Variants in FLT1 observed in about 807,000 individuals in gnomAD.
The protein encoded by FLT1 is fms related receptor tyrosine kinase 1, also known as vascular endothelial growth factor receptor 1.
FLT1 carries 49 observed loss-of-function variants against 156.3 expected under a neutral mutation model. The ratio of observed to expected loss-of-function variants is 0.31; its 90% CI spans 0.25 to 0.40. The LOEUF is 0.40. Among genes scored for constraint, FLT1 ranks in the 10% least tolerant of loss-of-function variants. The pLI, the probability that FLT1 is intolerant of heterozygous loss-of-function variation, is 1.00. For missense variants in FLT1, 1,322 were observed against 1,637.2 expected, an observed-to-expected ratio of 0.81 and a Z score of 3.32; for synonymous variants, 594 against 583.8, an observed-to-expected ratio of 1.02 and a Z score of -0.25.
chr13:28,415,174 G>T (rs1222711993), intron 10 of FLT1, among the ~76,000 whole-genome samples: 1 of 152,134 alleles, frequency 6.6e-6, no homozygotes, highest in Non-Finnish European at 1.5e-5. Flanking sequence ...ACAAATATTG[G>T]CTTGTCAATA....
At chr13:28,371,056 A>G (rs989091374) in intron 14 of FLT1, among the ~76,000 whole-genome samples, 6 of 152,242 alleles carry the variant, frequency 3.9e-5, no homozygotes, top group Non-Finnish European at 1.5e-5. Context: ...AGAGTGGGGT[A>G]GAACAATACG....
chr13:28,311,534 C>CTTTT, intron 27 of FLT1, 56 bp downstream of exon 27: 1 of 1,386,976 alleles, frequency 7.2e-7, no homozygotes, highest in Non-Finnish European at 1.0e-6. Context: ...GTCTTTCTTT[C>CTTTT]CTTCTTTTTT....
Position 28,337,722 on chromosome 13 carries a change from G to A in FLT1, c.2488+1446C>T, listed in dbSNP as rs1459723537. Reference sequence around the variant, plus strand: ...TTATTTAAACCCACAGAGCCCCAGGGGAATTCTGGTAGAAGGATTAGCAAT... The same window carrying A: ...TTATTTAAACCCACAGAGCCCCAGGAGAATTCTGGTAGAAGGATTAGCAAT... On this transcript the variant is annotated intron_variant, in intron 17 of 29. Coordinates refer to ENST00000282397, the MANE Select transcript of FLT1 (RefSeq NM_002019.4). Among the ~76,000 whole-genome samples the A allele has an allele frequency of 6.6e-5, 10 of 152,204 alleles. No homozygotes were observed. In the East Asian group the frequency reaches 1.9e-3, roughly 29 times the overall value.
rs561424573 is a variant in FLT1, at chr13:28,387,985, C to T, written c.1969+1811G>A. ...GAAGGAAATGGTAGGTTCTGCATGTCCAATTCACCATTTTGTTTTCATAAG... is the reference window on the plus strand; with the variant it reads ...GAAGGAAATGGTAGGTTCTGCATGTTCAATTCACCATTTTGTTTTCATAAG... On this transcript the variant is annotated intron_variant, in intron 13 of 29. Coordinates refer to ENST00000282397, the MANE Select transcript of FLT1 (RefSeq NM_002019.4). The T allele has an allele frequency of 1.5e-4, 158 of 1,060,356 alleles. 2 individuals are homozygous for T. In the South Asian group the frequency reaches 6.3e-3, roughly 42 times the overall value. 65.7% of individuals were successfully genotyped at this position (1,060,356 alleles called of 1,614,324 possible).
intron 10 of FLT1, among the ~76,000 whole-genome samples, chr13:28,412,364 C>CT (rs1315276522): frequency 2.5e-5 from 2 of 80,736 alleles, no homozygotes; most frequent in Non-Finnish European, 2.9e-5. Context: ...TTCTTTCTTT[C>CT]TTTCTTTCTT....
chr13:28,488,468 A>AT (rs544230593), intron 1 of FLT1, among the ~76,000 whole-genome samples: 2 of 110,418 alleles, frequency 1.8e-5, no homozygotes, highest in African/African-American at 6.8e-5. Flanking sequence ...ATGCTTCTCG[A>AT]TTTTTAATGA....
chr13:28,372,602 A>ATATATATATATATATATAT (rs1281561806), intron 14 of FLT1, among the ~76,000 whole-genome samples: 2 of 120,558 alleles, frequency 1.7e-5, no homozygotes, highest in Non-Finnish European at 3.5e-5. Flanking sequence ...ATATATATAT[A>ATATATATATATATATATAT]GCTGGGTGCA....
intron 1 of FLT1, among the ~76,000 whole-genome samples, chr13:28,486,990 A>G (rs1455306622): frequency 1.3e-5 from 2 of 152,206 alleles, no homozygotes; most frequent in Non-Finnish European, 2.9e-5. Flanking sequence ...GCCCTATCCC[A>G]GGCCTACTGA....
chr13:28,403,163 T>C (rs1451886333), intron 11 of FLT1, among the ~76,000 whole-genome samples: 1 of 152,146 alleles, frequency 6.6e-6, no homozygotes, highest in Non-Finnish European at 1.5e-5. Flanking sequence ...TTAGTTCTGT[T>C]TTTTTTGGAG....
At position 28,301,281 on chromosome 13, in the gene FLT1, A is replaced by ATG. The variant is rs35779457; in HGVS notation, c.*1884_*1885dup. The ATG allele has an allele frequency of 0.17, 40,576 of 232,536 alleles. 5,201 individuals are homozygous for ATG. Among genetic ancestry groups the ATG allele is most frequent in the African/African-American group, 0.38 (17,281 of 45,172 alleles). 14.4% of individuals were successfully genotyped at this position (232,536 alleles called of 1,614,324 possible). A position where few individuals can be genotyped will look rare whatever the true frequency, so the allele number is the denominator to read the frequency against. ...GCCAGCTGTCACAGGTGGTTTGCGT[A>ATG]TGTAAAGAAGAGGAAGAACAAAGAT... On this transcript the variant is annotated 3_prime_UTR_variant, in exon 30 of 30. Transcript: ENST00000282397.
At chr13:28,344,150 A>G (rs1872467633) in intron 16 of FLT1, among the ~76,000 whole-genome samples, 2 of 152,014 alleles carry the variant, frequency 1.3e-5, no homozygotes, top group Admixed American at 1.3e-4. Context: ...CATTGCTTTT[A>G]GAATACGGAC....
rs1388282288 is a variant in FLT1, at chr13:28,438,341, T to C, written c.393A>G (p.Thr131=). 3.7e-6 allele frequency: 6 copies of C among 1,608,112 alleles called. No homozygotes were observed. Among genetic ancestry groups the C allele is most frequent in the Non-Finnish European group, 5.1e-6 (6 of 1,174,658 alleles). ...TGTACATCTCTACGAAAGGTCTACC[T>C]GTATCTGAATGAGAAGAAAATGAAA... ...ESAIYIFISD[T]GRPFVEMYSE... Residue 131 remains threonine, a synonymous_variant, in exon 4 of 30, where the codon ACA becomes ACG. Coordinates refer to ENST00000282397, the MANE Select transcript of FLT1 (RefSeq NM_002019.4).
chr13:28,462,452 G>A (rs1370139033), intron 3 of FLT1, among the ~76,000 whole-genome samples: 5 of 152,140 alleles, frequency 3.3e-5, no homozygotes, highest in Non-Finnish European at 7.4e-5. Context: ...TAGAAGAATT[G>A]TACTCTATTG....
At position 28,433,885 on chromosome 13, in the gene FLT1, G is replaced by A. The variant is rs1215921850; in HGVS notation, c.747C>T (p.Val249=). The A allele has an allele frequency of 6.2e-7, 1 of 1,613,836 alleles. No homozygotes were observed. The highest frequency in any genetic ancestry group is 1.7e-5 in the Admixed American group (1 of 60,032). Residue 249 remains valine, a synonymous_variant, in exon 6 of 30, where the codon GTC becomes GTT. Coordinates refer to ENST00000282397, the MANE Select transcript of FLT1 (RefSeq NM_002019.4). ...PVKLLRGHTL[V]LNCTATTPLN... ...AGGGAGTGGTAGCAGTACAATTGAG[G>A]ACAAGAGTATGGCCTCTAAGTAATT...
At position 28,303,502 on chromosome 13, in the gene FLT1, C is replaced by T. The variant is rs534908548; in HGVS notation, c.3816-134G>A. 234 of 771,450 alleles carry T rather than the reference C, an allele frequency of 3.0e-4. No individual in the cohort carries two copies. The African/African-American group carries it at 3.4e-3, about 11-fold the overall frequency. The allele number at this position is 771,450 out of a possible 1,614,324, so 47.8% of individuals were successfully genotyped here. On this transcript the variant is annotated intron_variant, in intron 29 of 29. Coordinates refer to ENST00000282397, the MANE Select transcript of FLT1 (RefSeq NM_002019.4). ...GTTCATGGTTTTGGAACCCCCCCCC[C>T]CTCAATTGCTGTCAGATTTCCTCTG...
At chr13:28,441,594 A>G (rs575638418) in intron 3 of FLT1, among the ~76,000 whole-genome samples, 188 of 152,278 alleles carry the variant, frequency 1.2e-3, no homozygotes, top group African/African-American at 4.5e-3. Context: ...TATCAAAAAT[A>G]TAAATATATA....
intron 10 of FLT1, among the ~76,000 whole-genome samples, chr13:28,407,650 A>G (rs1875894072): frequency 6.6e-6 from 1 of 152,222 alleles, no homozygotes; most frequent in South Asian, 2.1e-4. Flanking sequence ...TTACAGTTAG[A>G]TTACAAGATT....
intron 25 of FLT1, among the ~76,000 whole-genome samples, chr13:28,313,014 T>G: frequency 6.6e-6 from 1 of 151,988 alleles, no homozygotes. Context: ...AGTCTCACTC[T>G]GTCATCCAGG....
At chr13:28,438,399 A>G (rs959042612) in intron 3 of FLT1, 54 bp from the exon 4 acceptor site, 1 of 1,402,752 alleles carries the variant, frequency 7.1e-7, no homozygotes, top group Admixed American at 1.7e-5. Context: ...ACATGCAAGC[A>G]TCTAGACACT....
Sources: gnomAD v4.1 joint callset for allele counts (sites outside exome capture counted in the v4.1 genomes callset) on GRCh38, gnomAD v4.1.1 for gene constraint, MANE v1.5 for transcripts, NCBI Gene and HGNC (gene_info 2026-07-23, HGNC 2026-07-21) for gene names.